Variants in LINGO2 observed in about 807,000 individuals in gnomAD.
LINGO2 encodes leucine-rich repeat and immunoglobulin-like domain-containing nogo receptor-interacting protein 2.
Under a neutral mutation model 30.6 loss-of-function variants are expected in LINGO2, and 14 were observed. That is an observed-to-expected ratio of 0.46 (90% CI 0.30 to 0.72). The LOEUF (loss-of-function observed/expected upper bound fraction) is 0.72. Ranked by LOEUF, LINGO2 falls within the 30% of genes least tolerant of loss-of-function variation. The probability of loss-of-function intolerance (pLI) is 0.07; values close to 1 mark genes in which losing one functional copy is unlikely to be tolerated. For missense variants in LINGO2, 729 were observed against 751.7 expected (o/e 0.97, Z 0.35); for synonymous variants, 317 against 288.5 (o/e 1.10, Z -1.00).
chr9:28,354,375 C>T (rs1820070759), intron 3 of LINGO2, among the ~76,000 whole-genome samples: 1 of 152,088 alleles, frequency 6.6e-6, no homozygotes, highest in Non-Finnish European at 1.5e-5. Context: ...GCAAATATGA[C>T]ATAAGCTAAT....
intron 3 of LINGO2, among the ~76,000 whole-genome samples, chr9:28,323,748 T>A (rs1825129722): frequency 1.3e-5 from 2 of 152,114 alleles, no homozygotes; most frequent in African/African-American, 4.8e-5. Flanking sequence ...CCAATCACAA[T>A]TAATTACCAT....
intron 2 of LINGO2, among the ~76,000 whole-genome samples, chr9:28,385,048 A>G (rs1821522844): frequency 6.6e-6 from 1 of 152,100 alleles, no homozygotes; most frequent in African/African-American, 2.4e-5. Context: ...AATGTCTACT[A>G]TTTGTGATGT....
chr9:28,497,869 T>G (rs1189295172), intron 1 of LINGO2, among the ~76,000 whole-genome samples: 4 of 152,198 alleles, frequency 2.6e-5, no homozygotes, highest in Non-Finnish European at 4.4e-5. Context: ...TTAGTTTTCC[T>G]TCTAACAGTC....
the LINGO2 span, among the ~76,000 whole-genome samples, chr9:28,826,945 C>T: frequency 2.6e-5 from 4 of 152,112 alleles, no homozygotes; most frequent in Admixed American, 6.6e-5. Flanking sequence ...TTTCTGAGTG[C>T]CATGGATGCT....
At chr9:28,605,807 C>T (rs1473911982) in intron 1 of LINGO2, among the ~76,000 whole-genome samples, 1 of 151,960 alleles carries the variant, frequency 6.6e-6, no homozygotes. Context: ...CAGCCACATC[C>T]ACTCATTTAG....
chr9:28,797,828 C>A, the LINGO2 span, among the ~76,000 whole-genome samples: 1 of 151,932 alleles, frequency 6.6e-6, no homozygotes, highest in Non-Finnish European at 1.5e-5. Flanking sequence ...GTAGTTAGAG[C>A]AGTAGAAATG....
intron 4 of LINGO2, among the ~76,000 whole-genome samples, chr9:28,167,636 T>G (rs1040217627): frequency 6.6e-6 from 1 of 152,176 alleles, no homozygotes; most frequent in Non-Finnish European, 1.5e-5. Flanking sequence ...GTATGCCCCC[T>G]TTGGCCTCCC....
intron 5 of LINGO2, among the ~76,000 whole-genome samples, chr9:28,003,628 A>AT (rs543969907): frequency 1.0e-3 from 158 of 152,066 alleles, no homozygotes; most frequent in African/African-American, 3.4e-3. Flanking sequence ...CACCCGGCTA[A>AT]TTTTTCGTAT....
the LINGO2 span, among the ~76,000 whole-genome samples, chr9:28,852,107 A>T: frequency 6.6e-6 from 1 of 151,988 alleles, no homozygotes; most frequent in Non-Finnish European, 1.5e-5. Context: ...CACAAAGCAG[A>T]GGTAAAGAGC....
intron 3 of LINGO2, among the ~76,000 whole-genome samples, chr9:28,298,885 C>G (rs1303565689): frequency 6.6e-6 from 1 of 152,096 alleles, no homozygotes; most frequent in Non-Finnish European, 1.5e-5. Context: ...ATTTGGAAAA[C>G]AAAGGAGAAG....
At chr9:29,143,466 T>C in the LINGO2 span, among the ~76,000 whole-genome samples, 60 of 152,088 alleles carry the variant, frequency 3.9e-4, no homozygotes, top group African/African-American at 1.3e-3. Context: ...ATCAGATACA[T>C]AGACAAGTGG....
At chr9:28,641,222 G>C (rs1159815829) in intron 1 of LINGO2, among the ~76,000 whole-genome samples, 1 of 152,014 alleles carries the variant, frequency 6.6e-6, no homozygotes, top group East Asian at 1.9e-4. Flanking sequence ...ATTTTTAGTA[G>C]AGACAGGGTT....
intron 4 of LINGO2, among the ~76,000 whole-genome samples, chr9:28,255,887 C>A (rs1822367350): frequency 6.6e-6 from 1 of 152,074 alleles, no homozygotes; most frequent in African/African-American, 2.4e-5. Context: ...TCTAACTATC[C>A]TGTGCTTTGT....
At chr9:28,705,940 C>T in the LINGO2 span, among the ~76,000 whole-genome samples, 1 of 149,450 alleles carries the variant, frequency 6.7e-6, no homozygotes, top group Non-Finnish European at 1.5e-5. Context: ...ATTTTTTTTT[C>T]AAATTGTTCA....
rs184287964 is a variant in LINGO2 at position 28,067,281 on chromosome 9, T to G, written c.-86-54876A>C. On this transcript the variant is annotated intron_variant, in intron 4 of 5. Coordinates refer to ENST00000379992, the Ensembl canonical transcript of LINGO2. ...AATTACCAAGAGGTAATAGTTAAAT[T>G]GTACATTGAAAATAGTTGCCAATAA... Among the ~76,000 whole-genome samples, 8 of 152,272 alleles carry G rather than the reference T, an allele frequency of 5.3e-5. No individual in the cohort carries two copies. The East Asian group carries it at 1.5e-3, about 29-fold the overall frequency.
In LINGO2 at chr9:28,463,858, C is replaced by T. The variant is rs537762046; in HGVS notation, c.-279+12082G>A. ...AAAAATATCTTTAACAGAGCCAATA[C>T]ATTTAAAGCACCTTGTATTCACTCC... On this transcript the variant is annotated intron_variant, in intron 2 of 5. Transcript: ENST00000379992. Among the ~76,000 whole-genome samples, 6 of 152,182 alleles carry T rather than the reference C, an allele frequency of 3.9e-5. No homozygotes were observed. In the East Asian group the frequency reaches 1.2e-3, roughly 29 times the overall value.
the LINGO2 span, among the ~76,000 whole-genome samples, chr9:28,818,866 A>C: frequency 1.3e-5 from 2 of 152,222 alleles, no homozygotes; most frequent in Non-Finnish European, 2.9e-5. Context: ...AAACTAAAAA[A>C]AAAACTTTAA....
At chr9:28,507,706 T>C (rs1344578887) in intron 1 of LINGO2, among the ~76,000 whole-genome samples, 1 of 152,126 alleles carries the variant, frequency 6.6e-6, no homozygotes, top group Non-Finnish European at 1.5e-5. Flanking sequence ...AAAGAATATA[T>C]ACTCAAGTAT....
At chr9:28,942,161 A>G in the LINGO2 span, among the ~76,000 whole-genome samples, 4 of 152,294 alleles carry the variant, frequency 2.6e-5, no homozygotes, top group South Asian at 8.3e-4. Context: ...AAAAGTAGAA[A>G]AGCAGAATTG....
Sources: gnomAD v4.1 joint callset for allele counts (sites outside exome capture counted in the v4.1 genomes callset) on GRCh38, gnomAD v4.1.1 for gene constraint, MANE v1.5 for transcripts, NCBI Gene and HGNC (gene_info 2026-07-23, HGNC 2026-07-21) for gene names.